The following XCR1 variants were observed in gnomAD, a reference collection of about 807,000 sequenced individuals.
XCR1 encodes X-C motif chemokine receptor 1, also known as chemokine XC receptor 1.
For missense variants in XCR1, 356 were observed against 424.2 expected (o/e 0.84, Z 1.41); for synonymous variants, 187 against 188.5 (o/e 0.99, Z 0.06).
chr3:46,066,221 G>A (rs182998816), intron 4 of XCR1, among the ~76,000 whole-genome samples: 12 of 133,984 alleles, frequency 9.0e-5, no homozygotes. Flanking sequence ...TCCCTCCCTC[G>A]CTCTCTCTCT....
intron 1 of XCR1, among the ~76,000 whole-genome samples, chr3:46,084,938 G>A (rs1477727155): frequency 5.3e-5 from 8 of 151,904 alleles, no homozygotes; most frequent in South Asian, 2.1e-4. Context: ...GGTACCTCCC[G>A]AATCTAAAAT....
chr3:46,044,732 T>TG (rs1309008276), intron 5 of XCR1, among the ~76,000 whole-genome samples: 4 of 151,662 alleles, frequency 2.6e-5, no homozygotes, highest in Non-Finnish European at 5.9e-5. Flanking sequence ...ACTCTATGCC[T>TG]GCAAATCCGA....
rs534699557 is a variant in XCR1 at position 46,079,852 on chromosome 3, G to C, written c.-514-2926C>G. 1.1e-4 allele frequency among the ~76,000 whole-genome samples: 17 copies of C among 152,286 alleles called. 1 individual carries two copies. In the East Asian group the frequency reaches 3.1e-3, roughly 28 times the overall value. ...TATCAATTAGTTCACATGCTGGTAT[G>C]AGAAGGCAGGGCCACTGAATGGCAA... On this transcript the variant is annotated intron_variant, in intron 1 of 5. Coordinates refer to the XCR1 transcript ENST00000683768.
Position 46,021,391 on chromosome 3 carries a change from G to C in XCR1, c.557C>G (p.Ser186Cys). 1 of 1,614,186 alleles carries C rather than the reference G, an allele frequency of 6.2e-7. No homozygotes were observed. Among genetic ancestry groups the C allele is most frequent in the South Asian group, 1.1e-5 (1 of 91,084 alleles). Residue 186 changes from serine to cysteine, a missense_variant, in exon 2 of 2, where the codon TCC becomes TGC. Ser to Cys is a moderately radical substitution (Grantham distance 112, BLOSUM62 -1). Transcript: ENST00000309285. The surrounding 1 kb of genome is among the most constrained non-coding windows in gnomAD (Gnocchi z 4.7). ...GAAGAAGAGGTTGTGCTGGTAGACG[G>C]AGGTGAGGTACCACGTGAGTTCGGA... ...DYSELTWYLTSVYQHNLFFLL... is the reference protein window; with the variant it reads ...DYSELTWYLTCVYQHNLFFLL...
intron 1 of XCR1, among the ~76,000 whole-genome samples, chr3:46,080,360 C>T (rs1340603149): frequency 6.6e-6 from 1 of 152,146 alleles, no homozygotes; most frequent in Admixed American, 6.5e-5. Context: ...AAGGTTACAT[C>T]AGACAATAGA....
At chr3:46,027,816 G>C (rs368665901), upstream of XCR1, 3 of 152,130 alleles carry the variant, frequency 2.0e-5, no homozygotes, top group Non-Finnish European at 4.4e-5. Flanking sequence ...GCTTCCTCCC[G>C]ATTGGTCCTT....
At chr3:46,044,863 C>A (rs1405429209) in intron 5 of XCR1, among the ~76,000 whole-genome samples, 1 of 152,062 alleles carries the variant, frequency 6.6e-6, no homozygotes, top group Non-Finnish European at 1.5e-5. Context: ...TAATTAATAA[C>A]CTGTCCAAAA....
At chr3:46,025,525 CAAAT>C (rs1197946975) in intron 1 of XCR1, among the ~76,000 whole-genome samples, 14 of 152,002 alleles carry the variant, frequency 9.2e-5, no homozygotes, top group Non-Finnish European at 1.6e-4. Context: ...ACAAGAATAA[CAAAT>C]AAATATTATG....
rs545193825 is a variant in XCR1 at position 46,044,741 on chromosome 3, G to A, written c.-32+9179C>T. On this transcript the variant is annotated intron_variant, in intron 5 of 5. Coordinates refer to the XCR1 transcript ENST00000683768. ...TGAACAACTCTATGCCTGCAAATCC[G>A]ATAACTTAGATGAAATAGACCAATT... 5.9e-5 allele frequency among the ~76,000 whole-genome samples: 9 copies of A among 152,218 alleles called. No individual in the cohort carries two copies. The South Asian group carries it at 1.7e-3, about 28-fold the overall frequency.
At chr3:46,048,520 C>T (rs1449150102) in intron 5 of XCR1, among the ~76,000 whole-genome samples, 2 of 152,100 alleles carry the variant, frequency 1.3e-5, no homozygotes, top group Non-Finnish European at 2.9e-5. Context: ...GCTCATGGCT[C>T]GTACCGGAGG....
chr3:46,054,110 A>T lies in XCR1; in HGVS notation c.-182-40T>A, dbSNP rs561843675. 1.2e-4 allele frequency among the ~76,000 whole-genome samples: 19 copies of T among 152,284 alleles called. No homozygotes were observed. In the East Asian group the frequency reaches 3.7e-3, roughly 29 times the overall value. On this transcript the variant is annotated intron_variant, in intron 4 of 5. Coordinates refer to the XCR1 transcript ENST00000683768. ...GCAAACGCGGGAATAAAAGACAAAG[A>T]CAAAAGAGCATATTTGGAAGAAGGG...
intron 4 of XCR1, among the ~76,000 whole-genome samples, chr3:46,058,667 C>T (rs1460931681): frequency 6.6e-6 from 1 of 152,168 alleles, no homozygotes; most frequent in East Asian, 1.9e-4. Flanking sequence ...CCCACCTCAG[C>T]CTCCTGAGTA....
intron 5 of XCR1, among the ~76,000 whole-genome samples, chr3:46,045,919 T>C (rs1697616470): frequency 6.6e-6 from 1 of 152,242 alleles, no homozygotes; most frequent in South Asian, 2.1e-4. Context: ...TAAACTCATA[T>C]GTTTATTGAA....
intron 1 of XCR1, among the ~76,000 whole-genome samples, chr3:46,084,749 A>G (rs996541896): frequency 2.6e-5 from 4 of 152,242 alleles, no homozygotes; most frequent in Admixed American, 6.5e-5. Context: ...CACTGGGCAC[A>G]CAAAGACATA....
At position 46,078,804 on chromosome 3, in the gene XCR1, G is replaced by GAGACTTTGCAGAGTTTGCAGAGTCTCTGC. The variant is rs544661235; in HGVS notation, c.-514-1907_-514-1879dup. On this transcript the variant is annotated intron_variant, in intron 1 of 5. Transcript: ENST00000683768. ...CCAATTGGAGTGCTCTAGGTGACTG[G>GAGACTTTGCAGAGTTTGCAGAGTCTCTGC]AGACTTTGCAGAGTTTGCAGAGTCT... is the stretch of plus-strand genomic sequence containing the variant. 1.4e-3 allele frequency among the ~76,000 whole-genome samples: 209 copies of GAGACTTTGCAGAGTTTGCAGAGTCTCTGC among 152,342 alleles called. 1 individual carries two copies. The highest frequency in any genetic ancestry group is 0.01 in the Middle Eastern group (3 of 294).
intron 5 of XCR1, among the ~76,000 whole-genome samples, chr3:46,050,798 T>C (rs9815691): frequency 0.017 from 2,527 of 152,276 alleles, 60 homozygotes; most frequent in African/African-American, 0.052. Context: ...AGATCTATAA[T>C]TACAAGAGGC....
At chr3:46,046,469 A>G (rs916273669) in intron 5 of XCR1, among the ~76,000 whole-genome samples, 9 of 152,244 alleles carry the variant, frequency 5.9e-5, no homozygotes, top group African/African-American at 2.2e-4. Context: ...CAGTGAGAGC[A>G]GTCGTGAGTT....
At chr3:46,047,206 C>T (rs952331162) in intron 5 of XCR1, among the ~76,000 whole-genome samples, 2 of 152,110 alleles carry the variant, frequency 1.3e-5, no homozygotes, top group Admixed American at 1.3e-4. Context: ...ATTAGTGTGA[C>T]CAAGGAAACA....
intron 3 of XCR1, among the ~76,000 whole-genome samples, chr3:46,068,241 C>T (rs1575437926): frequency 6.6e-6 from 1 of 152,054 alleles, no homozygotes; most frequent in African/African-American, 2.4e-5. Flanking sequence ...TTACAGCATG[C>T]AAAACAGGAA....
Sources: allele counts gnomAD v4.1 joint callset (sites outside exome capture counted in the v4.1 genomes callset), GRCh38; gene constraint gnomAD v4.1.1; non-coding constraint Gnocchi (gnomAD v3.1); transcripts MANE v1.5; gene names NCBI Gene and HGNC (gene_info 2026-07-23, HGNC 2026-07-21).